The following WDR17 variants were observed in gnomAD, a reference collection of about 807,000 sequenced individuals.
WDR17 encodes the protein WD repeat domain 17.
A neutral mutation model predicts 161.7 loss-of-function variants in WDR17; 143 were observed. The ratio of observed to expected loss-of-function variants is 0.88; its 90% CI spans 0.77 to 1.02. The LOEUF (loss-of-function observed/expected upper bound fraction) is 1.02. Ranked by LOEUF, WDR17 falls within the 50% of genes least tolerant of loss-of-function variation. The probability of loss-of-function intolerance (pLI) is 0.00; values close to 1 mark genes in which losing one functional copy is unlikely to be tolerated. For synonymous variants in WDR17, 517 were observed against 515.6 expected (o/e 1.00, Z -0.04); for missense variants, 1,469 against 1,520.9 (o/e 0.97, Z 0.57).
chr4:176,082,599 G>A (rs1227319027), intron 1 of WDR17, among the ~76,000 whole-genome samples: 1 of 152,056 alleles, frequency 6.6e-6, no homozygotes, highest in African/African-American at 2.4e-5. Context: ...ATTTGCTAAT[G>A]TGCCAGGCTT....
chr4:176,153,428 T>C (rs961839939), intron 17 of WDR17, among the ~76,000 whole-genome samples: 1 of 152,182 alleles, frequency 6.6e-6, no homozygotes, highest in African/African-American at 2.4e-5. Flanking sequence ...CTTTAGTAGA[T>C]GGGTAGTGAC....
intron 1 of WDR17, among the ~76,000 whole-genome samples, chr4:176,110,170 C>CT (rs1349681906): frequency 3.9e-5 from 6 of 151,962 alleles, no homozygotes; most frequent in African/African-American, 1.5e-4. Context: ...GAGACAGAGT[C>CT]TCGCTCTGTT....
In WDR17 at chr4:176,156,083, A is replaced by T. The variant is rs1316521322; in HGVS notation, c.2465A>T (p.Asp822Val). Residue 822 changes from aspartate to valine, a missense_variant, in exon 18 of 29, where the codon GAC (aspartate) becomes GTC (valine). Coordinates refer to ENST00000508596, the MANE Select transcript of WDR17 (RefSeq NM_181265.4). Reference protein sequence around the residue: ...CELMVELGEWDKALSIAPGVS... With the variant: ...CELMVELGEWVKALSIAPGVS... ...CCTTTTTGCCTTCTATTGTAGTGGG[A>T]CAAAGCCCTGTCAATTGCACCAGGA... The T allele has an allele frequency of 2.5e-6, 4 of 1,613,518 alleles. No individual in the cohort carries two copies. The highest frequency in any genetic ancestry group is 2.5e-6 in the Non-Finnish European group (3 of 1,179,770).
At chr4:176,074,198 T>A (rs1450186109) in intron 1 of WDR17, among the ~76,000 whole-genome samples, 1 of 151,492 alleles carries the variant, frequency 6.6e-6, no homozygotes. Flanking sequence ...CTGAATGGTA[T>A]TGCCTAAGTT....
chr4:176,098,757 A>G (rs578030385), intron 1 of WDR17, among the ~76,000 whole-genome samples: 6 of 152,004 alleles, frequency 3.9e-5, no homozygotes, highest in Non-Finnish European at 7.4e-5. Context: ...TATATATTCA[A>G]TAATGTATGA....
chr4:176,171,292 C>T (rs4690664), intron 23 of WDR17, among the ~76,000 whole-genome samples: 145,635 of 152,274 alleles, frequency 0.96, 69,967 homozygotes, highest in East Asian at 1. Flanking sequence ...TATTTAAAAA[C>T]GATATTTAAA....
intron 3 of WDR17, among the ~76,000 whole-genome samples, chr4:176,117,952 CT>C (rs940793836): frequency 4.0e-5 from 6 of 151,278 alleles, no homozygotes; most frequent in South Asian, 2.1e-4. Context: ...ATTAAGTGAA[CT>C]TTTTTTTTCA....
Position 176,162,167 on chromosome 4 carries a change from A to T in WDR17, c.2843A>T (p.Asn948Ile), listed in dbSNP as rs1288666932. The T allele has an allele frequency of 6.2e-7, 1 of 1,611,842 alleles. No homozygotes were observed. ...LAACCHLAID[N>I]IELAMAYLIR... ...GCATGTTGCCATCTTGCCATAGATA[A>T]TATTGAGGTACGACATTTAAAACTG... The change falls in exon 21 of 29, where the codon AAT becomes ATT. Residue 948 changes from asparagine to isoleucine, a missense_variant. Physicochemically the swap from Asn to Ile is moderately radical, Grantham distance 149. Transcript: ENST00000508596.
intron 18 of WDR17, among the ~76,000 whole-genome samples, chr4:176,156,975 G>A (rs537798844): frequency 1.3e-5 from 2 of 152,160 alleles, no homozygotes; most frequent in African/African-American, 4.8e-5. Flanking sequence ...AGTCATATTG[G>A]ATTGAGGTCC....
chr4:176,094,144 C>T (rs1197504196), intron 1 of WDR17, among the ~76,000 whole-genome samples: 1 of 152,094 alleles, frequency 6.6e-6, no homozygotes, highest in East Asian at 1.9e-4. Context: ...TTTTGTTTAG[C>T]TGCTTCCCCA....
chr4:176,094,206 T>C lies in WDR17; in HGVS notation c.-6-17369T>C, dbSNP rs977067357. ...TACTTAGATACATTTCCTTAGATCT[T>C]TTCCAAGTTTCAGGAATATATGCCT... On this transcript the variant is annotated intron_variant, in intron 1 of 28. Coordinates refer to ENST00000508596, the MANE Select transcript of WDR17 (RefSeq NM_181265.4). Among the ~76,000 whole-genome samples, 6 of 152,344 alleles carry C rather than the reference T, an allele frequency of 3.9e-5. No individual in the cohort carries two copies. The East Asian group carries it at 1.2e-3, about 29-fold the overall frequency.
chr4:176,142,869 A>G (rs1745497619), intron 11 of WDR17, among the ~76,000 whole-genome samples: 1 of 152,162 alleles, frequency 6.6e-6, no homozygotes, highest in South Asian at 2.1e-4. Context: ...AGAATGTGTA[A>G]AAAACACTGT....
At chr4:176,070,472 G>A (rs1006730976) in intron 1 of WDR17, among the ~76,000 whole-genome samples, 10 of 151,976 alleles carry the variant, frequency 6.6e-5, no homozygotes, top group Non-Finnish European at 1.3e-4. Context: ...AGAAAGTTTC[G>A]AGTTTAGTTA....
intron 25 of WDR17, 114 bp downstream of exon 25, chr4:176,173,483 A>G (rs1251776393): frequency 1.5e-5 from 9 of 588,528 alleles, no homozygotes; most frequent in Non-Finnish European, 2.6e-5. Flanking sequence ...AGGTAGCTAC[A>G]CTTGTAGAAA....
intron 1 of WDR17, among the ~76,000 whole-genome samples, chr4:176,099,135 T>C (rs1561095402): frequency 6.6e-6 from 1 of 152,128 alleles, no homozygotes; most frequent in Non-Finnish European, 1.5e-5. Context: ...TGTAAGCAGC[T>C]TAGAAGTTGC....
At chr4:176,177,031 A>T (rs1579277739) in intron 26 of WDR17, 27 bp from the exon 27 acceptor site, 7 of 1,541,420 alleles carry the variant, frequency 4.5e-6, no homozygotes, top group Non-Finnish European at 6.3e-6. Context: ...TTGGTATCAG[A>T]TGTTAATTTC....
In WDR17 at chr4:176,076,581, T is replaced by G. The variant is rs1734065441; in HGVS notation, c.-7+10502T>G. Among the ~76,000 whole-genome samples the G allele has an allele frequency of 2.0e-5, 3 of 151,988 alleles. No homozygotes were observed. The South Asian group carries it at 6.2e-4, about 31-fold the overall frequency. On this transcript the variant is annotated intron_variant, in intron 1 of 28. Coordinates refer to ENST00000508596, the MANE Select transcript of WDR17 (RefSeq NM_181265.4). ...TAAAAAATCTCTTATTTTCCAGTGT[T>G]TTGGAAGAGTTTTTTCACTTTGTTC...
Position 176,155,958 on chromosome 4 carries a change from CT to C in WDR17, c.2461-120del, listed in dbSNP as rs147362569. Reference sequence around the variant, plus strand: ...GAAGTCAGAAAGTACCAAATCAGGACTCAAGAACTCAAATATAAAAATACTA... The same window carrying C: ...GAAGTCAGAAAGTACCAAATCAGGACCAAGAACTCAAATATAAAAATACTA... On this transcript the variant is annotated intron_variant, in intron 17 of 28. Transcript: ENST00000508596. 12,209 of 863,386 alleles carry C rather than the reference CT, an allele frequency of 0.014. 648 individuals are homozygous for C. In the African/African-American group the frequency reaches 0.15, roughly 10 times the overall value. The allele number at this position is 863,386 out of a possible 1,614,324, so 53.5% of individuals were successfully genotyped here.
At chr4:176,095,187 A>G (rs1035876814) in intron 1 of WDR17, among the ~76,000 whole-genome samples, 4 of 152,186 alleles carry the variant, frequency 2.6e-5, no homozygotes, top group African/African-American at 9.6e-5. Context: ...ACAACAATGA[A>G]GAGAGGACAA....
Sources: allele counts gnomAD v4.1 joint callset (sites outside exome capture counted in the v4.1 genomes callset), GRCh38; gene constraint gnomAD v4.1.1; transcripts MANE v1.5; gene names NCBI Gene and HGNC (gene_info 2026-07-23, HGNC 2026-07-21).